Variants in BBS9 observed in about 807,000 individuals in gnomAD.
BBS9 encodes the protein protein PTHB1.
BBS9 carries 89 observed loss-of-function variants against 117.7 expected under a neutral mutation model. That is an observed-to-expected ratio of 0.76 (90% CI 0.64 to 0.90). The LOEUF (loss-of-function observed/expected upper bound fraction) is 0.90. Among genes scored for constraint, BBS9 ranks in the 40% least tolerant of loss-of-function variants. BBS9 has a pLI of 0.00. For synonymous variants in BBS9, 379 were observed against 370.9 expected (o/e 1.02, Z -0.25); for missense variants, 982 against 1,042.2 (o/e 0.94, Z 0.80).
At chr7:33,294,359 G>GTCCATCCATCCA (rs111245225) in intron 9 of BBS9, among the ~76,000 whole-genome samples, 2 of 139,694 alleles carry the variant, frequency 1.4e-5, no homozygotes, top group African/African-American at 2.7e-5. Flanking sequence ...CTATCTCTTT[G>GTCCATCCATCCA]TCCATCCATC....
At chr7:33,516,260 G>A (rs1585088917) in intron 20 of BBS9, among the ~76,000 whole-genome samples, 2 of 152,140 alleles carry the variant, frequency 1.3e-5, no homozygotes, top group African/African-American at 2.4e-5. Flanking sequence ...GGAGGCTGTG[G>A]CGGGTAGATC....
At chr7:33,342,972 T>C (rs931529030) in intron 11 of BBS9, among the ~76,000 whole-genome samples, 1 of 152,350 alleles carries the variant, frequency 6.6e-6, no homozygotes, top group Admixed American at 6.5e-5. Context: ...TATATTAGAA[T>C]GGAGTCTTTC....
downstream of BBS9, among the ~76,000 whole-genome samples, chr7:33,609,269 G>C (rs1467281430): frequency 1.3e-5 from 2 of 152,006 alleles, no homozygotes; most frequent in Non-Finnish European, 2.9e-5. Context: ...TCATTGAAAT[G>C]ATCTTCATTA....
At chr7:33,351,033 C>T (rs1451959957) in intron 13 of BBS9, among the ~76,000 whole-genome samples, 186 bp from the exon 14 acceptor site, 2 of 152,148 alleles carry the variant, frequency 1.3e-5, no homozygotes, top group Non-Finnish European at 2.9e-5. Context: ...TCAGTTTTCT[C>T]ATCATAATAA....
chr7:33,335,226 C>T (rs981293332), intron 9 of BBS9, among the ~76,000 whole-genome samples: 9 of 152,138 alleles, frequency 5.9e-5, no homozygotes, highest in Non-Finnish European at 1.3e-4. Flanking sequence ...TTTTCTCTCA[C>T]AATTTTTCTA....
At chr7:33,293,394 A>C (rs751510640) in intron 9 of BBS9, among the ~76,000 whole-genome samples, 4 of 151,938 alleles carry the variant, frequency 2.6e-5, no homozygotes, top group Non-Finnish European at 5.9e-5. Flanking sequence ...CAGACACGGA[A>C]AAAAGGATCT....
intron 21 of BBS9, among the ~76,000 whole-genome samples, chr7:33,590,740 T>C (rs1411634979): frequency 6.6e-6 from 1 of 152,020 alleles, no homozygotes; most frequent in Non-Finnish European, 1.5e-5. Flanking sequence ...TTTGAAGCGC[T>C]TTACATCCAT....
At chr7:33,222,897 G>A (rs1012102996) in intron 5 of BBS9, among the ~76,000 whole-genome samples, 3 of 151,214 alleles carry the variant, frequency 2.0e-5, no homozygotes, top group Non-Finnish European at 4.4e-5. Flanking sequence ...AGGTTGCAGT[G>A]AGCTGAGATC....
chr7:33,594,073 A>G (rs1862340613), intron 21 of BBS9, among the ~76,000 whole-genome samples: 1 of 152,114 alleles, frequency 6.6e-6, no homozygotes. Context: ...GCTCTCTTAA[A>G]TCCCGACTCT....
intron 5 of BBS9, 60 bp downstream of exon 5, chr7:33,177,651 A>T (rs1562741975): frequency 1.2e-5 from 15 of 1,206,108 alleles, no homozygotes; most frequent in Non-Finnish European, 1.7e-5. Context: ...ATATTTGGTC[A>T]TATAAAACAG....
At chr7:33,346,435 TTA>T (rs1183349459) in intron 12 of BBS9, 9 of 243,740 alleles carry the variant, frequency 3.7e-5, no homozygotes, top group African/African-American at 1.8e-4. Context: ...AAATTTGGTA[TTA>T]TATTTCCTAA....
In BBS9 at chr7:33,383,951, TTTC is replaced by T. The variant is rs1441373897; in HGVS notation, c.1962+116_1962+118del. 4 of 1,132,582 alleles carry T rather than the reference TTTC, an allele frequency of 3.5e-6. No individual in the cohort carries two copies. In the African/African-American group the frequency reaches 6.3e-5, roughly 18 times the overall value. 70.2% of individuals were successfully genotyped at this position (1,132,582 alleles called of 1,614,324 possible). A position where few individuals can be genotyped will look rare whatever the true frequency, so the allele number is the denominator to read the frequency against. Reference sequence around the variant, plus strand: ...ATTAGGCTATGTGCTTCTAGTTGTTTTTCTTATGTGGATGGTGGATTTCGTGAA... The same window carrying T: ...ATTAGGCTATGTGCTTCTAGTTGTTTTTATGTGGATGGTGGATTTCGTGAA... On this transcript the variant is annotated intron_variant, in intron 18 of 22. Coordinates refer to ENST00000242067, the MANE Select transcript of BBS9 (RefSeq NM_198428.3).
At position 33,137,282 on chromosome 7, in the gene BBS9, G is replaced by A. The variant is rs927976400; in HGVS notation, c.-12+7241G>A. On this transcript the variant is annotated intron_variant, in intron 1 of 22. Transcript: ENST00000242067. ...TGGGAGTTGGGAGAGGCCAGGGAGC[G>A]GGAGTGGGCACTTCCAAACTGCAGG... is the stretch of plus-strand genomic sequence containing the variant. Among the ~76,000 whole-genome samples the A allele has an allele frequency of 2.6e-5, 4 of 152,318 alleles. No individual in the cohort carries two copies. The East Asian group carries it at 7.7e-4, about 29-fold the overall frequency.
At chr7:33,400,276 T>G (rs938057581) in intron 19 of BBS9, among the ~76,000 whole-genome samples, 5 of 152,140 alleles carry the variant, frequency 3.3e-5, no homozygotes, top group African/African-American at 1.2e-4. Context: ...AACAAGATGT[T>G]TCTAATATTA....
chr7:33,604,158 A>G lies in BBS9; in HGVS notation c.2522-707A>G, dbSNP rs543900923. 1.8e-4 allele frequency among the ~76,000 whole-genome samples: 28 copies of G among 152,352 alleles called. No homozygotes were observed. In the South Asian group the frequency reaches 5.8e-3, roughly 32 times the overall value. On this transcript the variant is annotated intron_variant, in intron 21 of 22. Transcript: ENST00000242067. ...CAGGAAATGATGGCAAATCAGTCAAATCAAGTTGCAGATGTAGTCAGGAAA... is the reference window on the plus strand; with the variant it reads ...CAGGAAATGATGGCAAATCAGTCAAGTCAAGTTGCAGATGTAGTCAGGAAA...
At chr7:33,209,903 A>G (rs1363026840) in intron 5 of BBS9, among the ~76,000 whole-genome samples, 1 of 151,936 alleles carries the variant, frequency 6.6e-6, no homozygotes, top group Non-Finnish European at 1.5e-5. Context: ...TATCTGCTCT[A>G]ATCTTTATTA....
intron 19 of BBS9, among the ~76,000 whole-genome samples, chr7:33,408,045 G>A (rs1830376072): frequency 1.3e-5 from 2 of 152,246 alleles, no homozygotes; most frequent in African/African-American, 2.4e-5. Context: ...CAGAGGTGGA[G>A]CCTACAGAGG....
At chr7:33,338,950 T>G (rs1377768080) in intron 10 of BBS9, among the ~76,000 whole-genome samples, 1 of 152,204 alleles carries the variant, frequency 6.6e-6, no homozygotes, top group Non-Finnish European at 1.5e-5. Flanking sequence ...CGTGGGGATA[T>G]AAATGAAAGT....
intron 9 of BBS9, among the ~76,000 whole-genome samples, chr7:33,306,842 A>G (rs1171897579): frequency 6.6e-6 from 1 of 152,114 alleles, no homozygotes; most frequent in Non-Finnish European, 1.5e-5. Context: ...TGCCCCTTCA[A>G]ATTTAGTATC....
Sources: gnomAD v4.1 joint callset for allele counts (sites outside exome capture counted in the v4.1 genomes callset) on GRCh38, gnomAD v4.1.1 for gene constraint, MANE v1.5 for transcripts, NCBI Gene and HGNC (gene_info 2026-07-23, HGNC 2026-07-21) for gene names.